The following EVC variants were observed in gnomAD, a reference collection of about 807,000 sequenced individuals.
EVC encodes the protein EvC ciliary complex subunit 1.
EVC carries 116 observed loss-of-function variants against 118.9 expected under a neutral mutation model. The observed-to-expected ratio is 0.98, with a 90% confidence interval of 0.84 to 1.14. EVC has a LOEUF of 1.14. EVC is among the 50% of genes most tolerant of loss of function. The pLI is 0.00. For missense variants in EVC, 1,401 were observed against 1,246.4 expected (o/e 1.12, Z -1.87); for synonymous variants, 619 against 534.7 (o/e 1.16, Z -2.18).
At chr4:5,820,766 A>G in the EVC span, 1 of 152,146 alleles carries the variant, frequency 6.6e-6, no homozygotes. Context: ...CACTGAAATG[A>G]AAGTGCCCTA....
chr4:5,765,063 C>T lies in EVC; in HGVS notation c.1563+8701C>T, dbSNP rs1305104305. ...TTAGTGCTATAAATTTCTCTCTACA[C>T]ACTGCTTTGAATGCATCCCAGAGAT... On this transcript the variant is annotated intron_variant, in intron 11 of 20. Transcript: ENST00000264956. Among the ~76,000 whole-genome samples, 3 of 116,484 alleles carry T rather than the reference C, an allele frequency of 2.6e-5. 1 individual carries two copies. The highest frequency in any genetic ancestry group is 3.7e-5 in the Non-Finnish European group (2 of 53,948). The allele number at this position is 116,484 out of a possible 152,430, so 76.4% of individuals were successfully genotyped here. A position where few individuals can be genotyped will look rare whatever the true frequency, so the allele number is the denominator to read the frequency against.
intron 6 of EVC, 69 bp downstream of exon 6, chr4:5,741,883 C>G: frequency 1.2e-6 from 1 of 815,186 alleles, no homozygotes; most frequent in Non-Finnish European, 2.0e-6. Context: ...ACTTATGATG[C>G]AAAAATTTTT....
chr4:5,825,398 G>C, the EVC span: 2 of 1,485,972 alleles, frequency 1.3e-6, no homozygotes, highest in Non-Finnish European at 1.8e-6. The surrounding 1 kb of genome is among the most constrained non-coding windows in gnomAD (Gnocchi z 4.4). Context: ...TTCATCTAGT[G>C]TCCAAGGCCA....
chr4:5,717,048 T>C (rs919672469), intron 1 of EVC, among the ~76,000 whole-genome samples: 13 of 152,208 alleles, frequency 8.5e-5, no homozygotes, highest in African/African-American at 3.1e-4. Context: ...CTTGATTTCT[T>C]TGATGATTCT....
chr4:5,828,186 G>C, the EVC span: 4 of 985,300 alleles, frequency 4.1e-6, no homozygotes, highest in African/African-American at 7.0e-5. Flanking sequence ...GATTACTTAA[G>C]ATGACGCAGG....
chr4:5,735,923 G>A (rs561561049), intron 5 of EVC, among the ~76,000 whole-genome samples: 1 of 152,314 alleles, frequency 6.6e-6, no homozygotes, highest in South Asian at 2.1e-4. Context: ...TAAGAACCTG[G>A]TGAGCCGCTG....
In EVC at chr4:5,755,035, A is replaced by G. The variant is rs1332037827; in HGVS notation, c.1464+1102A>G. Among the ~76,000 whole-genome samples the G allele has an allele frequency of 6.6e-6, 1 of 151,876 alleles. No homozygotes were observed. Among genetic ancestry groups the G allele is most frequent in the Non-Finnish European group, 1.5e-5 (1 of 67,932 alleles). On this transcript the variant is annotated intron_variant, in intron 10 of 20. Transcript: ENST00000264956. This position sits in a 1 kb window ranked among gnomAD's most constrained non-coding sequence, Gnocchi z 4.1. ...GCCAATGGAGGGGTCCCCCGAGAAC[A>G]GAGGACAGGCCTCTAGGTCCCTGGT... is the stretch of plus-strand genomic sequence containing the variant.
At chr4:5,723,628 A>G (rs758712969) in intron 2 of EVC, among the ~76,000 whole-genome samples, 7 of 152,050 alleles carry the variant, frequency 4.6e-5, no homozygotes, top group Non-Finnish European at 8.8e-5. Flanking sequence ...GAAGTTTACA[A>G]ATGCACAGGG....
chr4:5,758,910 G>A (rs757258349), intron 11 of EVC, among the ~76,000 whole-genome samples: 3 of 152,214 alleles, frequency 2.0e-5, no homozygotes, highest in Non-Finnish European at 4.4e-5. Flanking sequence ...GAGAAAGAAT[G>A]TTCTGAAAGT....
At chr4:5,762,762 T>C (rs1222458186) in intron 11 of EVC, among the ~76,000 whole-genome samples, 4 of 109,204 alleles carry the variant, frequency 3.7e-5, no homozygotes, top group Non-Finnish European at 7.5e-5. Flanking sequence ...TGTTTTTTTC[T>C]TGTAAATGTG....
At chr4:5,787,842 C>A (rs1001897246) in intron 12 of EVC, among the ~76,000 whole-genome samples, 1 of 152,118 alleles carries the variant, frequency 6.6e-6, no homozygotes, top group Non-Finnish European at 1.5e-5. Flanking sequence ...GCACCCCACT[C>A]CGGGTGGTTT....
At chr4:5,717,787 AGAGACTTT>A (rs2151830442) in intron 1 of EVC, among the ~76,000 whole-genome samples, 1 of 152,322 alleles carries the variant, frequency 6.6e-6, no homozygotes, top group South Asian at 2.1e-4. Flanking sequence ...GCTTTGTCCA[AGAGACTTT>A]GTCTCCCATC....
intron 7 of EVC, among the ~76,000 whole-genome samples, chr4:5,747,652 G>A (rs1384940028): frequency 6.6e-6 from 1 of 152,222 alleles, no homozygotes; most frequent in African/African-American, 2.4e-5. Context: ...AAATGAGGGG[G>A]AGGGAAGATT....
At chr4:5,775,388 C>T (rs1355624782) in intron 11 of EVC, among the ~76,000 whole-genome samples, 3 of 152,154 alleles carry the variant, frequency 2.0e-5, no homozygotes, top group African/African-American at 7.2e-5. Context: ...CCTCCCCATC[C>T]TAACACCCTC....
the EVC span, chr4:5,820,732 AT>A: frequency 2.6e-5 from 4 of 152,198 alleles, no homozygotes; most frequent in African/African-American, 9.7e-5. Flanking sequence ...ACTGCCAAGC[AT>A]TCGTACCCAA....
At chr4:5,729,154 G>C (rs909584577) in intron 2 of EVC, among the ~76,000 whole-genome samples, 153 bp from the exon 3 acceptor site, 1 of 151,974 alleles carries the variant, frequency 6.6e-6, no homozygotes, top group African/African-American at 2.4e-5. Context: ...TTTCCTTCTG[G>C]CAAGGAAGAG....
At chr4:5,801,891 C>A in intron 15 of EVC, 59 bp from the exon 16 acceptor site, 2 of 1,586,160 alleles carry the variant, frequency 1.3e-6, no homozygotes, top group Non-Finnish European at 1.7e-6. Flanking sequence ...CTGGATGGGC[C>A]GTGGGTGGCT....
the EVC span, among the ~76,000 whole-genome samples, chr4:5,829,004 T>C: frequency 6.6e-6 from 1 of 152,000 alleles, no homozygotes; most frequent in South Asian, 2.1e-4. Flanking sequence ...TTCTTCATTT[T>C]ACTTAAAATG....
At position 5,798,293 on chromosome 4, in the gene EVC, A is replaced by C. The variant is rs890314430; in HGVS notation, c.2098-293A>C. Among the ~76,000 whole-genome samples the C allele has an allele frequency of 6.6e-6, 1 of 152,118 alleles. No individual in the cohort carries two copies. Among genetic ancestry groups the C allele is most frequent in the African/African-American group, 2.4e-5 (1 of 41,418 alleles). ...TCCTCAGTGCTAGTGTTCAGGTCTC[A>C]TGATGTTCTAGAAGGATGAGCAAGG... On this transcript the variant is annotated intron_variant, in intron 14 of 20. Coordinates refer to ENST00000264956, the MANE Select transcript of EVC (RefSeq NM_153717.3). The surrounding 1 kb of genome is among the most constrained non-coding windows in gnomAD (Gnocchi z 4.1).
Sources: allele counts gnomAD v4.1 joint callset (sites outside exome capture counted in the v4.1 genomes callset), GRCh38; gene constraint gnomAD v4.1.1; non-coding constraint Gnocchi (gnomAD v3.1); transcripts MANE v1.5; gene names NCBI Gene and HGNC (gene_info 2026-07-23, HGNC 2026-07-21).